The following FAXDC2 variants were observed in gnomAD, a reference collection of about 807,000 sequenced individuals.
FAXDC2 encodes the protein fatty acid hydroxylase domain containing 2, also known as fatty acid hydroxylase domain-containing protein 2.
In FAXDC2, 41 loss-of-function variants were observed where a neutral mutation model predicts 40.9. The ratio of observed to expected loss-of-function variants is 1.00; its 90% CI spans 0.78 to 1.30. FAXDC2 has a LOEUF of 1.30. FAXDC2 is among the 50% of genes most tolerant of loss of function. The pLI is 0.00. For synonymous variants in FAXDC2, 157 were observed against 149.3 expected (o/e 1.05, Z -0.38); for missense variants, 390 against 408.8 (o/e 0.95, Z 0.40).
At chr5:154,828,002 A>G (rs1345464089) in intron 5 of FAXDC2, among the ~76,000 whole-genome samples, 2 of 150,694 alleles carry the variant, frequency 1.3e-5, no homozygotes, top group Non-Finnish European at 3.0e-5. Context: ...GGCAAACGCC[A>G]CCTCACTTGC....
intron 1 of FAXDC2, among the ~76,000 whole-genome samples, chr5:154,841,039 A>G (rs1760465157): frequency 6.6e-6 from 1 of 152,302 alleles, no homozygotes; most frequent in African/African-American, 2.4e-5. Context: ...CTCAGGGAGA[A>G]ATACCGAGGC....
At chr5:154,823,080 C>G (rs1490463588) in intron 6 of FAXDC2, among the ~76,000 whole-genome samples, 1 of 152,150 alleles carries the variant, frequency 6.6e-6, no homozygotes, top group Non-Finnish European at 1.5e-5. Flanking sequence ...GGTGTGATCA[C>G]AGCTCACTAT....
At chr5:154,831,455 G>GGTT (rs113843897) in intron 4 of FAXDC2, among the ~76,000 whole-genome samples, 1 of 131,270 alleles carries the variant, frequency 7.6e-6, no homozygotes, top group Non-Finnish European at 1.7e-5. Flanking sequence ...TTGTTTGTTT[G>GGTT]TTTGTTTTTT....
At chr5:154,823,105 G>A (rs114145303) in intron 6 of FAXDC2, among the ~76,000 whole-genome samples, 1 of 152,026 alleles carries the variant, frequency 6.6e-6, no homozygotes, top group Non-Finnish European at 1.5e-5. Context: ...TTGACCTCCC[G>A]GGCTCATGTG....
intron 1 of FAXDC2, among the ~76,000 whole-genome samples, chr5:154,841,672 A>G (rs1760477162): frequency 6.6e-6 from 1 of 152,072 alleles, no homozygotes; most frequent in Admixed American, 6.6e-5. Flanking sequence ...CAAGGTGGAT[A>G]AGGGTCCCTT....
rs386358555 is a variant in FAXDC2, at chr5:154,825,650, C to CAAAAAA, written c.367-2064_367-2059dup. ...TGGGTGACAGAGTGAGACTCCGTCTCAAAAAAAAAAAAAAAAAAGCAGTAA... is the reference window on the plus strand; with the variant it reads ...TGGGTGACAGAGTGAGACTCCGTCTCAAAAAAAAAAAAAAAAAAAAAAAAGCAGTAA... On this transcript the variant is annotated intron_variant, in intron 5 of 8. Transcript: ENST00000326080. Among the ~76,000 whole-genome samples the CAAAAAA allele has an allele frequency of 1.2e-3, 37 of 30,134 alleles. 7 individuals carry two copies. Among genetic ancestry groups the CAAAAAA allele is most frequent in the South Asian group, 6.3e-3 (2 of 320 alleles). 19.8% of individuals were successfully genotyped at this position (30,134 alleles called of 152,430 possible).
intron 2 of FAXDC2, among the ~76,000 whole-genome samples, chr5:154,835,567 G>A (rs899687957): frequency 5.3e-5 from 8 of 151,998 alleles, no homozygotes; most frequent in Admixed American, 2.6e-4. Flanking sequence ...AATTGTACAC[G>A]TTTTCTGACT....
chr5:154,826,527 TAAAA>T (rs764669604), intron 5 of FAXDC2, among the ~76,000 whole-genome samples: 16 of 101,522 alleles, frequency 1.6e-4, no homozygotes, highest in African/African-American at 4.9e-4. Context: ...AGACTGTCTC[TAAAA>T]AAAAAAAAAA....
At chr5:154,837,646 G>A (rs1227632556) in intron 2 of FAXDC2, among the ~76,000 whole-genome samples, 1 of 152,122 alleles carries the variant, frequency 6.6e-6, no homozygotes, top group East Asian at 1.9e-4. Context: ...ATTTGTTCGG[G>A]GATGTTGGGT....
At chr5:154,825,650 C>CAAAAAAAAAAAAAA (rs386358555) in intron 5 of FAXDC2, among the ~76,000 whole-genome samples, 936 of 30,094 alleles carry the variant, frequency 0.031, 317 homozygotes, top group African/African-American at 0.071. Flanking sequence ...GACTCCGTCT[C>CAAAAAAAAAAAAAA]AAAAAAAAAA....
At position 154,830,744 on chromosome 5, in the gene FAXDC2, A is replaced by T. The variant is rs201738316; in HGVS notation, c.366+57T>A. 7.3e-4 allele frequency: 1,178 copies of T among 1,605,334 alleles called. 1 individual carries two copies. Among genetic ancestry groups the T allele is most frequent in the Non-Finnish European group, 9.5e-4 (1,113 of 1,173,110 alleles). ...CTGGGCCAGTGGTGAGAATTCTGAG[A>T]GTGTGGCTTTGGCTCTTGCTTTCTG... On this transcript the variant is annotated intron_variant, in intron 5 of 8. Coordinates refer to ENST00000326080, the MANE Select transcript of FAXDC2 (RefSeq NM_032385.5).
In FAXDC2 at chr5:154,838,120, C is replaced by G; in HGVS notation, c.48+11G>C. ...TTCTCACCAGTTTGGGGGCAAGGTGCTGGCATTTACCTGCTTTGACTTTTC... is the reference window on the plus strand; with the variant it reads ...TTCTCACCAGTTTGGGGGCAAGGTGGTGGCATTTACCTGCTTTGACTTTTC... On this transcript the variant is annotated intron_variant, in intron 2 of 8. Coordinates refer to ENST00000326080, the MANE Select transcript of FAXDC2 (RefSeq NM_032385.5). The G allele has an allele frequency of 6.3e-6, 10 of 1,595,228 alleles. No homozygotes were observed. The highest frequency in any genetic ancestry group is 8.6e-6 in the Non-Finnish European group (10 of 1,163,090).
In FAXDC2 at chr5:154,821,335, A is replaced by G. The variant is rs748785319; in HGVS notation, c.770T>C (p.Ile257Thr). 20 of 1,610,210 alleles carry G rather than the reference A, an allele frequency of 1.2e-5. No homozygotes were observed. Among genetic ancestry groups the G allele is most frequent in the Non-Finnish European group, 1.5e-5 (18 of 1,178,684 alleles). ...GTAGCCACAGTGGGAGATGGTGGTG[A>G]TGATGAGGGCCAAGGAAAACCACAT... ...ITMWFSLALI[I>T]TTISHCGYHL... The change falls in exon 8 of 9, where the codon ATC (isoleucine) becomes ACC (threonine). Residue 257 changes from isoleucine to threonine, a missense_variant. Coordinates refer to ENST00000326080, the MANE Select transcript of FAXDC2 (RefSeq NM_032385.5).
chr5:154,827,994 CA>C (rs1413271665), intron 5 of FAXDC2, among the ~76,000 whole-genome samples: 1 of 151,540 alleles, frequency 6.6e-6, no homozygotes, highest in African/African-American at 2.4e-5. Flanking sequence ...GGACTACAGG[CA>C]AACGCCACCT....
intron 4 of FAXDC2, among the ~76,000 whole-genome samples, chr5:154,832,171 A>G (rs1211644119): frequency 6.6e-6 from 1 of 152,022 alleles, no homozygotes; most frequent in Non-Finnish European, 1.5e-5. Context: ...TGCTTATTTG[A>G]ATTGCCTGAT....
intron 5 of FAXDC2, among the ~76,000 whole-genome samples, chr5:154,828,151 TTTTA>T (rs1439163810): frequency 6.6e-6 from 1 of 151,512 alleles, no homozygotes; most frequent in Non-Finnish European, 1.5e-5. Context: ...ACCTGGCCTG[TTTTA>T]TTTATTTATT....
Position 154,820,234 on chromosome 5 carries a change from A to C in FAXDC2, c.*82T>G. ...CATCATTAGGGCGTGTGGCCGAAGG[A>C]GGCAAATTGTTAGGTGCAATCAGGA... On this transcript the variant is annotated 3_prime_UTR_variant, in exon 9 of 9. Coordinates refer to ENST00000326080, the MANE Select transcript of FAXDC2 (RefSeq NM_032385.5). 8.3e-7 allele frequency: 1 copy of C among 1,206,130 alleles called. No homozygotes were observed. The highest frequency in any genetic ancestry group is 1.2e-6 in the Non-Finnish European group (1 of 858,416). 74.7% of individuals were successfully genotyped at this position (1,206,130 alleles called of 1,614,324 possible). A position where few individuals can be genotyped will look rare whatever the true frequency, so the allele number is the denominator to read the frequency against.
intron 4 of FAXDC2, among the ~76,000 whole-genome samples, chr5:154,834,127 C>A (rs1305586796): frequency 2.7e-5 from 4 of 150,764 alleles, no homozygotes; most frequent in Admixed American, 2.6e-4. Context: ...TGATCGAGGA[C>A]ATTCACTATT....
At chr5:154,834,965 A>G (rs747506075) in intron 2 of FAXDC2, 31 bp from the exon 3 acceptor site, 1 of 1,421,218 alleles carries the variant, frequency 7.0e-7, no homozygotes, top group African/African-American at 1.4e-5. Context: ...GTCAGACCCC[A>G]GCAAGCCTCC....
Sources: gnomAD v4.1 joint callset for allele counts (sites outside exome capture counted in the v4.1 genomes callset) on GRCh38, gnomAD v4.1.1 for gene constraint, MANE v1.5 for transcripts, NCBI Gene and HGNC (gene_info 2026-07-23, HGNC 2026-07-21) for gene names.